The following RRM1 variants were observed in gnomAD, a reference collection of about 807,000 sequenced individuals.
The protein encoded by RRM1 is ribonucleotide reductase catalytic subunit M1, also known as ribonucleoside-diphosphate reductase large subunit.
Under a neutral mutation model 101.5 loss-of-function variants are expected in RRM1, and 19 were observed. The observed-to-expected ratio is 0.19, with a 90% CI of 0.13 to 0.27. The LOEUF (loss-of-function observed/expected upper bound fraction) is 0.27. Among genes scored for constraint, RRM1 ranks in the 10% least tolerant of loss-of-function variants. The pLI, the probability that RRM1 is intolerant of heterozygous loss-of-function variation, is 1.00. For synonymous variants in RRM1, 298 were observed against 323.4 expected (o/e 0.92, Z 0.84); for missense variants, 500 against 962.9 (o/e 0.52, Z 6.36).
chr11:4,113,752 G>C (rs1419231928), intron 7 of RRM1, among the ~76,000 whole-genome samples: 1 of 152,192 alleles, frequency 6.6e-6, no homozygotes, highest in Non-Finnish European at 1.5e-5. Context: ...GCATGTTACT[G>C]TACTGAATAC....
Position 4,132,518 on chromosome 11 carries a change from TTGGG to T in RRM1, c.1905+100_1905+103del. On this transcript the variant is annotated intron_variant, in intron 16 of 18. Coordinates refer to ENST00000300738, the MANE Select transcript of RRM1 (RefSeq NM_001033.5). This position sits in a 1 kb window ranked among gnomAD's most constrained non-coding sequence, Gnocchi z 4.1. Reference sequence around the variant, plus strand: ...TGTTTAATTTGCCCATTTTCTTAGTTTGGGTGCAAACTTTGATAAAGACAGTCAT... The same window carrying T: ...TGTTTAATTTGCCCATTTTCTTAGTTTGCAAACTTTGATAAAGACAGTCAT... 3 of 1,341,114 alleles carry T rather than the reference TTGGG, an allele frequency of 2.2e-6. No homozygotes were observed. Among genetic ancestry groups the T allele is most frequent in the Non-Finnish European group, 3.1e-6 (3 of 960,722 alleles). The allele number at this position is 1,341,114 out of a possible 1,614,324, so 83.1% of individuals were successfully genotyped here.
intron 4 of RRM1, among the ~76,000 whole-genome samples, chr11:4,108,281 A>C (rs1289571615): frequency 6.6e-6 from 1 of 152,190 alleles, no homozygotes; most frequent in African/African-American, 2.4e-5. Flanking sequence ...TGGACAGATT[A>C]GAGACCAGTT....
chr11:4,095,164 C>A, intron 1 of RRM1, 133 bp downstream of exon 1: 1 of 1,086,540 alleles, frequency 9.2e-7, no homozygotes, highest in Non-Finnish European at 1.4e-6. Context: ...CGGCCTTCCG[C>A]CCTGTCAGCC....
intron 12 of RRM1, among the ~76,000 whole-genome samples, chr11:4,125,366 A>G (rs1366806737): frequency 5.3e-5 from 8 of 152,180 alleles, no homozygotes; most frequent in Admixed American, 5.2e-4. Flanking sequence ...ATGGAGTCAT[A>G]TAATATGTGG....
At chr11:4,121,993 A>G (rs1400444702) in intron 10 of RRM1, 148 bp from the exon 11 acceptor site, 2 of 696,950 alleles carry the variant, frequency 2.9e-6, no homozygotes, top group East Asian at 5.5e-5. Flanking sequence ...GCAGACCTAG[A>G]TGTTTGGGCC....
At chr11:4,096,504 T>G (rs888188602) in intron 1 of RRM1, among the ~76,000 whole-genome samples, 4 of 152,246 alleles carry the variant, frequency 2.6e-5, no homozygotes, top group Non-Finnish European at 5.9e-5. Flanking sequence ...TGGACAGTAG[T>G]GGCCTTTCTT....
At chr11:4,124,711 C>T (rs915833160) in intron 12 of RRM1, among the ~76,000 whole-genome samples, 7 of 151,850 alleles carry the variant, frequency 4.6e-5, no homozygotes, top group South Asian at 2.1e-4. Context: ...TTTCGGGGGG[C>T]GTCAAGATTT....
intron 12 of RRM1, among the ~76,000 whole-genome samples, chr11:4,124,046 A>G (rs546757557): frequency 2.0e-4 from 31 of 152,338 alleles, no homozygotes; most frequent in Admixed American, 5.9e-4. Flanking sequence ...GCTGGGTTTT[A>G]TGCAGTGTGG....
chr11:4,137,086 G>T (rs183672482), intron 18 of RRM1: 128 of 234,726 alleles, frequency 5.5e-4, no homozygotes, highest in African/African-American at 2.9e-3. Flanking sequence ...AGGGTTGGGG[G>T]TAAGGTCACT....
At chr11:4,096,132 G>A (rs1321137247) in intron 1 of RRM1, among the ~76,000 whole-genome samples, 1 of 151,890 alleles carries the variant, frequency 6.6e-6, no homozygotes, top group Non-Finnish European at 1.5e-5. Flanking sequence ...CTCAAGCGAT[G>A]CTCTTGCCTC....
chr11:4,110,613 A>G (rs2094564027), intron 5 of RRM1, among the ~76,000 whole-genome samples: 1 of 151,586 alleles, frequency 6.6e-6, no homozygotes, highest in African/African-American at 2.4e-5. Flanking sequence ...ACTAAAAAAT[A>G]CAAAAATTAG....
intron 9 of RRM1, among the ~76,000 whole-genome samples, chr11:4,120,962 G>A (rs970504847): frequency 1.3e-5 from 2 of 152,256 alleles, no homozygotes; most frequent in African/African-American, 4.8e-5. Context: ...GGAGGTTGCA[G>A]TGAGCCGAGA....
rs2094603876 is a variant in RRM1 at position 4,133,478 on chromosome 11, T to C, written c.1906-85T>C. The C allele has an allele frequency of 2.2e-5, 17 of 766,564 alleles. No individual in the cohort carries two copies. The South Asian group carries it at 2.7e-4, about 12-fold the overall frequency. 47.5% of individuals were successfully genotyped at this position (766,564 alleles called of 1,614,324 possible). On this transcript the variant is annotated intron_variant, in intron 16 of 18. Transcript: ENST00000300738. ...CTAGCATTAAATAACTCTTAAGTGATTTTAGTTTAAGCTTCAAAGCTGTAG... is the reference window on the plus strand; with the variant it reads ...CTAGCATTAAATAACTCTTAAGTGACTTTAGTTTAAGCTTCAAAGCTGTAG...
chr11:4,120,380 T>TC (rs1024604697), intron 9 of RRM1, among the ~76,000 whole-genome samples: 6 of 152,122 alleles, frequency 3.9e-5, no homozygotes, highest in Non-Finnish European at 7.4e-5. Flanking sequence ...TTCTTTCGTT[T>TC]TTTTTTTTAT....
rs766306617 is a variant in RRM1, at chr11:4,133,684, C to T, written c.2001+26C>T. 8 of 1,358,072 alleles carry T rather than the reference C, an allele frequency of 5.9e-6. No individual in the cohort carries two copies. In the South Asian group the frequency reaches 9.5e-5, roughly 16 times the overall value. 84.1% of individuals were successfully genotyped at this position (1,358,072 alleles called of 1,614,324 possible). ...GTATAGAATGAAAATGAAGTGTGCT[C>T]TGCAGGGGCTGAGTTGGACATTGTG... On this transcript the variant is annotated intron_variant, in intron 17 of 18. Transcript: ENST00000300738.
chr11:4,102,039 C>A lies in RRM1; in HGVS notation c.66C>A (p.Ile22=). The A allele has an allele frequency of 6.2e-7, 1 of 1,605,632 alleles. No homozygotes were observed. The highest frequency in any genetic ancestry group is 1.1e-5 in the South Asian group (1 of 90,164). The change falls in exon 2 of 19, where the codon ATC becomes ATA. Residue 22 remains isoleucine, a synonymous_variant. Coordinates refer to ENST00000300738, the MANE Select transcript of RRM1 (RefSeq NM_001033.5). ...RVMFDKITSR[I]QKLCYGLNMD... Reference sequence around the variant, plus strand: ...TGTTTGACAAAATTACATCTCGAATCCAGAAGCTTTGTTATGGACTCAATA... The same window carrying A: ...TGTTTGACAAAATTACATCTCGAATACAGAAGCTTTGTTATGGACTCAATA...
At position 4,118,447 on chromosome 11, in the gene RRM1, A is replaced by C. The variant is rs1423464763; in HGVS notation, c.778A>C (p.Ser260Arg). ...VAVSCIRATG[S>R]YIAGTNGNSN... ...TGTGAGTTGTATTCGGGCTACTGGC[A>C]GCTACATTGCTGGGGTAGGTTTCTG... is the stretch of plus-strand genomic sequence containing the variant. Residue 260 changes from serine to arginine, a missense_variant, in exon 8 of 19, where the codon AGC becomes CGC. Transcript: ENST00000300738. 1 of 1,614,066 alleles carries C rather than the reference A, an allele frequency of 6.2e-7. No homozygotes were observed. Among genetic ancestry groups the C allele is most frequent in the Admixed American group, 1.7e-5 (1 of 60,018 alleles).
chr11:4,094,741 A>G (rs531129723), upstream of RRM1: 233 of 563,118 alleles, frequency 4.1e-4, no homozygotes, highest in Middle Eastern at 1.4e-3. Flanking sequence ...TCAGTCTGTG[A>G]AGCCTACCCC....
At chr11:4,134,860 T>G (rs1041997259) in intron 17 of RRM1, among the ~76,000 whole-genome samples, 8 of 152,218 alleles carry the variant, frequency 5.3e-5, no homozygotes, top group Non-Finnish European at 8.8e-5. Context: ...GATGCTGAAA[T>G]TACTATCACC....
Sources: gnomAD v4.1 joint callset for allele counts (sites outside exome capture counted in the v4.1 genomes callset) on GRCh38, gnomAD v4.1.1 for gene constraint, Gnocchi (gnomAD v3.1) non-coding constraint, MANE v1.5 for transcripts, NCBI Gene and HGNC (gene_info 2026-07-23, HGNC 2026-07-21) for gene names.